SYNE2: variants seen among roughly 807,000 people sequenced by gnomAD.
The protein encoded by SYNE2 is nesprin-2.
In SYNE2, 431 loss-of-function variants were observed where a neutral mutation model predicts 856.3. The observed-to-expected ratio is 0.50, with a 90% confidence interval of 0.47 to 0.55. SYNE2 has a LOEUF of 0.55. Among genes scored for constraint, SYNE2 ranks in the 20% least tolerant of loss-of-function variants. SYNE2 has a pLI of 0.00. For synonymous variants in SYNE2, 2,923 were observed against 2,872.3 expected, an observed-to-expected ratio of 1.02 and a Z score of -0.56; for missense variants, 8,129 against 8,023.2, an observed-to-expected ratio of 1.01 and a Z score of -0.50.
chr14:63,959,546 C>T (rs1566912829), intron 8 of SYNE2, among the ~76,000 whole-genome samples: 1 of 151,926 alleles, frequency 6.6e-6, no homozygotes, highest in Non-Finnish European at 1.5e-5. Context: ...GATTCGCCGC[C>T]TTGACCTCAC....
intron 82 of SYNE2, among the ~76,000 whole-genome samples, chr14:64,142,796 A>C (rs1208107699): frequency 6.6e-6 from 1 of 152,164 alleles, no homozygotes; most frequent in East Asian, 1.9e-4. Context: ...AAATATTGAG[A>C]TCCTTCTACA....
At chr14:64,111,503 TA>T (rs1249083327) in intron 65 of SYNE2, among the ~76,000 whole-genome samples, 1 of 150,506 alleles carries the variant, frequency 6.6e-6, no homozygotes, top group Non-Finnish European at 1.5e-5. Context: ...TTGCTTTTTT[TA>T]AAAAAAAATC....
chr14:63,876,623 G>A (rs1036517225), intron 1 of SYNE2, among the ~76,000 whole-genome samples: 6 of 151,890 alleles, frequency 4.0e-5, no homozygotes, highest in African/African-American at 9.7e-5. Flanking sequence ...GAGTAGCTGG[G>A]ACTACAGGCG....
At chr14:64,124,658 C>A (rs2097923961) in intron 70 of SYNE2, among the ~76,000 whole-genome samples, 1 of 151,922 alleles carries the variant, frequency 6.6e-6, no homozygotes, top group African/African-American at 2.4e-5. Flanking sequence ...AAATGTTCAC[C>A]AAGAAAGTGG....
chr14:63,838,575 C>A (rs969893886), intron 1 of SYNE2, among the ~76,000 whole-genome samples: 2 of 151,892 alleles, frequency 1.3e-5, no homozygotes, highest in Non-Finnish European at 2.9e-5. Context: ...AATGCAGTGG[C>A]GCAATCATAG....
At chr14:63,981,906 C>T (rs1408169762) in intron 16 of SYNE2, among the ~76,000 whole-genome samples, 2 of 152,160 alleles carry the variant, frequency 1.3e-5, no homozygotes, top group Non-Finnish European at 2.9e-5. Context: ...GTCATCACTT[C>T]TGTTACCTGT....
rs1420339308 is a variant in SYNE2 at position 64,166,447 on chromosome 14, G to A, written c.16606-786G>A. Among the ~76,000 whole-genome samples, 8 of 152,096 alleles carry A rather than the reference G, an allele frequency of 5.3e-5. No individual in the cohort carries two copies. The East Asian group carries it at 1.5e-3, about 29-fold the overall frequency. ...CTTGTCAGCTTAGAAGCTGTCGCTG[G>A]AATATCTTTTTAAAAATGAAATTTT... On this transcript the variant is annotated intron_variant, in intron 90 of 115. Coordinates refer to ENST00000555002, the MANE Select transcript of SYNE2 (RefSeq NM_182914.3).
Position 64,019,413 on chromosome 14 carries a change from A to T in SYNE2, c.5050-579A>T, listed in dbSNP as rs17101562. ...CTCTAACTATTTTATTTACTTTTTA[A>T]TTCATGTATTTATTTTTACATATTT... On this transcript the variant is annotated intron_variant, in intron 34 of 115. Coordinates refer to ENST00000555002, the MANE Select transcript of SYNE2 (RefSeq NM_182914.3). Among the ~76,000 whole-genome samples the T allele has an allele frequency of 7.4e-3, 1,120 of 152,284 alleles. 21 individuals carry two copies. The highest frequency in any genetic ancestry group is 0.026 in the African/African-American group (1,067 of 41,558).
chr14:63,960,229 C>G (rs1045899482), intron 8 of SYNE2, among the ~76,000 whole-genome samples: 2 of 152,100 alleles, frequency 1.3e-5, no homozygotes, highest in Non-Finnish European at 2.9e-5. Context: ...GAGACCCTAC[C>G]CTCAGCTTTT....
chr14:64,004,638 C>A (rs1007320475), intron 30 of SYNE2, among the ~76,000 whole-genome samples: 3 of 152,024 alleles, frequency 2.0e-5, no homozygotes, highest in African/African-American at 4.8e-5. Context: ...CCTCTTCCCC[C>A]CTTTCTAAAT....
chr14:64,089,714 T>C lies in SYNE2; in HGVS notation c.11793+18T>C. The C allele has an allele frequency of 6.5e-7, 1 of 1,527,230 alleles. No homozygotes were observed. Among genetic ancestry groups the C allele is most frequent in the Non-Finnish European group, 9.0e-7 (1 of 1,105,278 alleles). 94.6% of individuals were successfully genotyped at this position (1,527,230 alleles called of 1,614,324 possible). Reference sequence around the variant, plus strand: ...ATGGGGAGGTAAGCATAGATTATTATTTAAAGTATTTTCTTATGATACTTA... The same window carrying C: ...ATGGGGAGGTAAGCATAGATTATTACTTAAAGTATTTTCTTATGATACTTA... On this transcript the variant is annotated intron_variant, in intron 59 of 115. Transcript: ENST00000555002.
At chr14:63,935,064 C>T (rs953224658) in intron 2 of SYNE2, among the ~76,000 whole-genome samples, 19 of 151,286 alleles carry the variant, frequency 1.3e-4, no homozygotes, top group Non-Finnish European at 2.7e-4. Flanking sequence ...AAGTTATTCT[C>T]TTCTCATGCT....
chr14:63,883,884 A>G (rs963957156), intron 1 of SYNE2, among the ~76,000 whole-genome samples: 11 of 103,478 alleles, frequency 1.1e-4, no homozygotes, highest in Middle Eastern at 6.3e-3. Flanking sequence ...TTTTTTTTGC[A>G]TGGGTGTGAG....
At chr14:63,828,802 A>G (rs1033215313) in intron 1 of SYNE2, among the ~76,000 whole-genome samples, 4 of 152,182 alleles carry the variant, frequency 2.6e-5, no homozygotes, top group Non-Finnish European at 5.9e-5. Flanking sequence ...ATATGCAAAT[A>G]CTATGCCATT....
chr14:63,895,775 CAA>C (rs10544076), intron 1 of SYNE2, among the ~76,000 whole-genome samples: 47,118 of 91,962 alleles, frequency 0.51, 10,023 homozygotes, highest in South Asian at 0.62. Flanking sequence ...TCCAAATCTC[CAA>C]AAAAAAAAAA....
intron 3 of SYNE2, among the ~76,000 whole-genome samples, 200 bp downstream of exon 3, chr14:63,940,875 A>G (rs1021484181): frequency 7.2e-5 from 11 of 152,192 alleles, no homozygotes; most frequent in African/African-American, 2.4e-4. Flanking sequence ...CTCACACAGA[A>G]AAAAAGGGAC....
chr14:64,083,613 TCTC>T (rs1200351333), intron 57 of SYNE2, among the ~76,000 whole-genome samples: 1 of 152,214 alleles, frequency 6.6e-6, no homozygotes, highest in Non-Finnish European at 1.5e-5. Context: ...TGTGTCCTAA[TCTC>T]CTCCTGGGAA....
Position 64,219,251 on chromosome 14 carries a change from C to T in SYNE2, c.19701C>T (p.His6567=), listed in dbSNP as rs1432528248. ...AGATGATTCAAGCACAGGAGCTTCA[C>T]AATAAGCTCAAAATAAAACAAAATT... ...RWEMIQAQEL[H]NKLKIKQNLQ... Residue 6567 remains histidine, a synonymous_variant, in exon 110 of 116, where the codon CAC becomes CAT. Coordinates refer to ENST00000555002, the MANE Select transcript of SYNE2 (RefSeq NM_182914.3). 1 of 1,613,796 alleles carries T rather than the reference C, an allele frequency of 6.2e-7. No individual in the cohort carries two copies. The highest frequency in any genetic ancestry group is 8.5e-7 in the Non-Finnish European group (1 of 1,179,962).
At chr14:64,001,276 G>A (rs919037382) in intron 28 of SYNE2, among the ~76,000 whole-genome samples, 9 of 152,162 alleles carry the variant, frequency 5.9e-5, no homozygotes, top group African/African-American at 2.2e-4. Context: ...TAATTATGAG[G>A]TTTCTTAGTT....
Sources: allele counts gnomAD v4.1 joint callset (sites outside exome capture counted in the v4.1 genomes callset), GRCh38; gene constraint gnomAD v4.1.1; transcripts MANE v1.5; gene names NCBI Gene and HGNC (gene_info 2026-07-23, HGNC 2026-07-21).